RUNDC3B: variants seen among roughly 807,000 people sequenced by gnomAD.
RUNDC3B encodes the protein RUN domain-containing protein 3B.
In RUNDC3B, 33 loss-of-function variants were observed where a neutral mutation model predicts 58.4. The observed-to-expected ratio is 0.56, with a 90% CI of 0.43 to 0.75. The LOEUF (loss-of-function observed/expected upper bound fraction) is 0.75, where lower values mean the gene tolerates loss of function less well. Among genes scored for constraint, RUNDC3B ranks in the 30% least tolerant of loss-of-function variants. RUNDC3B has a pLI of 0.00. For missense variants in RUNDC3B, 501 were observed against 535.7 expected, an observed-to-expected ratio of 0.94 and a Z score of 0.64; for synonymous variants, 193 against 195.2, an observed-to-expected ratio of 0.99 and a Z score of 0.10.
At chr7:87,664,847 G>A (rs1047486095) in intron 2 of RUNDC3B, among the ~76,000 whole-genome samples, 1 of 152,092 alleles carries the variant, frequency 6.6e-6, no homozygotes, top group Non-Finnish European at 1.5e-5. Flanking sequence ...TAGATTTGGG[G>A]AAGATAAATT....
chr7:87,734,272 C>T (rs545813321), intron 4 of RUNDC3B, among the ~76,000 whole-genome samples: 1 of 152,248 alleles, frequency 6.6e-6, no homozygotes, highest in Middle Eastern at 3.4e-3. Flanking sequence ...CCATATGACC[C>T]AGCACATGAC....
At chr7:87,660,606 ATGGC>A (rs1478702468) in intron 2 of RUNDC3B, among the ~76,000 whole-genome samples, 5 of 152,046 alleles carry the variant, frequency 3.3e-5, no homozygotes, top group Middle Eastern at 3.5e-3. Context: ...TAACTAATTT[ATGGC>A]TTTGCTGATC....
intron 4 of RUNDC3B, among the ~76,000 whole-genome samples, chr7:87,722,468 A>C (rs993918089): frequency 7.2e-5 from 11 of 152,172 alleles, no homozygotes; most frequent in African/African-American, 2.4e-4. Flanking sequence ...CTTTTAAACT[A>C]TTCTGGCCCC....
chr7:87,659,125 G>C, intron 2 of RUNDC3B: 1 of 324,146 alleles, frequency 3.1e-6, no homozygotes, highest in Admixed American at 4.0e-5. Flanking sequence ...TCATGCCACT[G>C]CAATCTAGCC....
chr7:87,767,299 A>G (rs1834026177), intron 6 of RUNDC3B, among the ~76,000 whole-genome samples: 1 of 152,160 alleles, frequency 6.6e-6, no homozygotes, highest in East Asian at 1.9e-4. Context: ...AGATGTCAAA[A>G]CACTCTATCC....
At chr7:87,765,187 T>C (rs1833911386) in intron 6 of RUNDC3B, among the ~76,000 whole-genome samples, 1 of 151,976 alleles carries the variant, frequency 6.6e-6, no homozygotes, top group Admixed American at 6.6e-5. Context: ...TTCTCTTGTT[T>C]TTTCCATTGT....
At chr7:87,726,859 G>A (rs1050445732) in intron 4 of RUNDC3B, among the ~76,000 whole-genome samples, 5 of 152,034 alleles carry the variant, frequency 3.3e-5, no homozygotes, top group African/African-American at 1.2e-4. Context: ...ATTGTGAATG[G>A]GAGTTCACTC....
At chr7:87,750,399 T>G (rs1474190028) in intron 6 of RUNDC3B, among the ~76,000 whole-genome samples, 1 of 151,296 alleles carries the variant, frequency 6.6e-6, no homozygotes, top group East Asian at 1.9e-4. Flanking sequence ...TACCCAGTAA[T>G]GGGATGGCTG....
intron 1 of RUNDC3B, among the ~76,000 whole-genome samples, chr7:87,634,161 G>A (rs535643741): frequency 2.6e-5 from 4 of 152,228 alleles, no homozygotes; most frequent in Non-Finnish European, 4.4e-5. Flanking sequence ...TCACTAGTGG[G>A]TGATAAGTAC....
intron 1 of RUNDC3B, among the ~76,000 whole-genome samples, chr7:87,635,845 A>G (rs1821713140): frequency 6.6e-6 from 1 of 152,208 alleles, no homozygotes; most frequent in South Asian, 2.1e-4. Flanking sequence ...GGAATAATAC[A>G]GTATAGACCT....
chr7:87,715,262 AT>A (rs1311344024), intron 4 of RUNDC3B, among the ~76,000 whole-genome samples: 2 of 133,778 alleles, frequency 1.5e-5, no homozygotes, highest in African/African-American at 5.6e-5. Context: ...ATTATATATA[AT>A]TAATTTATAA....
At chr7:87,684,746 C>CAAAAAAAAAAAAAAAAAAA (rs71524694) in intron 2 of RUNDC3B, among the ~76,000 whole-genome samples, 15 of 37,792 alleles carry the variant, frequency 4.0e-4, no homozygotes, top group East Asian at 8.4e-4. Context: ...GACTCCGTCT[C>CAAAAAAAAAAAAAAAAAAA]AAAAAAAAAA....
intron 2 of RUNDC3B, among the ~76,000 whole-genome samples, chr7:87,675,707 A>AAGAG (rs1156888771): frequency 1.3e-5 from 2 of 151,284 alleles, no homozygotes; most frequent in Admixed American, 1.3e-4. Context: ...AAAACAAAGA[A>AAGAG]AGAGAGAGAG....
chr7:87,783,813 T>C (rs1317475388), intron 8 of RUNDC3B, among the ~76,000 whole-genome samples: 2 of 152,194 alleles, frequency 1.3e-5, no homozygotes, highest in African/African-American at 4.8e-5. Context: ...TCTTTAAGAA[T>C]GCTGAAAATA....
At chr7:87,648,184 CAAAA>C (rs138383809) in intron 1 of RUNDC3B, among the ~76,000 whole-genome samples, 2 of 65,456 alleles carry the variant, frequency 3.1e-5, no homozygotes, top group Admixed American at 1.6e-4. Flanking sequence ...GACTCTGTCT[CAAAA>C]AAAAAAAAAA....
chr7:87,636,987 A>G (rs1821836622), intron 1 of RUNDC3B, among the ~76,000 whole-genome samples: 1 of 152,196 alleles, frequency 6.6e-6, no homozygotes, highest in South Asian at 2.1e-4. Flanking sequence ...AAATGAGAAC[A>G]TGAGAACCAA....
At chr7:87,629,236 A>G (rs1820955805) in intron 1 of RUNDC3B, 1 of 324,046 alleles carries the variant, frequency 3.1e-6, no homozygotes, top group South Asian at 1.6e-4. Flanking sequence ...CGTCAGAGTG[A>G]AAGAGGAGGG....
chr7:87,806,795 T>G (rs1836458613), intron 8 of RUNDC3B, among the ~76,000 whole-genome samples: 1 of 152,152 alleles, frequency 6.6e-6, no homozygotes, highest in South Asian at 2.1e-4. Flanking sequence ...GATTTATCAG[T>G]AGTCACTTCC....
At chr7:87,731,918 C>A (rs572160370) in intron 4 of RUNDC3B, among the ~76,000 whole-genome samples, 3 of 152,246 alleles carry the variant, frequency 2.0e-5, no homozygotes, top group Admixed American at 6.5e-5. Flanking sequence ...ACCAAATGGA[C>A]CTAATAGATG....
Sources: gnomAD v4.1 joint callset for allele counts (sites outside exome capture counted in the v4.1 genomes callset) on GRCh38, gnomAD v4.1.1 for gene constraint, MANE v1.5 for transcripts, NCBI Gene and HGNC (gene_info 2026-07-23, HGNC 2026-07-21) for gene names.